WDR70: variants seen among roughly 807,000 people sequenced by gnomAD.
The protein encoded by WDR70 is WD repeat-containing protein 70.
A neutral mutation model predicts 88.6 loss-of-function variants in WDR70; 53 were observed. The observed-to-expected ratio is 0.60, with a 90% CI of 0.48 to 0.75. The LOEUF (loss-of-function observed/expected upper bound fraction) is 0.75. Ranked by LOEUF, WDR70 falls within the 30% of genes least tolerant of loss-of-function variation. The pLI is 0.00. For missense variants in WDR70, 610 were observed against 823.2 expected (o/e 0.74, Z 3.17); for synonymous variants, 280 against 270.0 (o/e 1.04, Z -0.36).
chr5:37,558,107 T>C (rs542648268), intron 9 of WDR70, among the ~76,000 whole-genome samples: 1 of 152,002 alleles, frequency 6.6e-6, no homozygotes, highest in South Asian at 2.1e-4. Context: ...GTTTCAGTAG[T>C]AGTTAAAATT....
Position 37,541,290 on chromosome 5 carries a change from AT to A in WDR70, c.917+24710del, listed in dbSNP as rs34867117. On this transcript the variant is annotated intron_variant, in intron 9 of 17. Transcript: ENST00000265107. Reference sequence around the variant, plus strand: ...AGTAAAGTTAAGGACTTAATGAATGATTTTTTTTTTCTATTAACTGATGAAT... The same window carrying A: ...AGTAAAGTTAAGGACTTAATGAATGATTTTTTTTTCTATTAACTGATGAAT... Among the ~76,000 whole-genome samples, 488 of 150,738 alleles carry A rather than the reference AT, an allele frequency of 3.2e-3. 3 individuals carry two copies. Among genetic ancestry groups the A allele is most frequent in the African/African-American group, 9.9e-3 (407 of 41,118 alleles).
At chr5:37,469,626 C>A (rs1449020376) in intron 7 of WDR70, among the ~76,000 whole-genome samples, 1 of 152,136 alleles carries the variant, frequency 6.6e-6, no homozygotes, top group Non-Finnish European at 1.5e-5. Context: ...CATGTAATTG[C>A]AAAGCAGAGT....
intron 7 of WDR70, among the ~76,000 whole-genome samples, chr5:37,471,836 C>T (rs6868843): frequency 2.6e-5 from 4 of 151,756 alleles, no homozygotes; most frequent in African/African-American, 9.8e-5. Flanking sequence ...AAATTGACTC[C>T]GCATCATTCA....
intron 8 of WDR70, among the ~76,000 whole-genome samples, chr5:37,494,128 T>A (rs2112199544): frequency 1.3e-5 from 2 of 152,280 alleles, no homozygotes; most frequent in Middle Eastern, 6.8e-3. Context: ...TGGAGTACTT[T>A]TGCACTGGGA....
At chr5:37,604,243 C>T (rs1336417943) in intron 9 of WDR70, among the ~76,000 whole-genome samples, 1 of 152,126 alleles carries the variant, frequency 6.6e-6, no homozygotes, top group Non-Finnish European at 1.5e-5. Flanking sequence ...GTCTTGAGTT[C>T]ACCTTATTTT....
rs550950454 is a variant in WDR70 at position 37,631,664 on chromosome 5, C to G, written c.1092+26426C>G. On this transcript the variant is annotated intron_variant, in intron 10 of 17. Coordinates refer to ENST00000265107, the MANE Select transcript of WDR70 (RefSeq NM_018034.4). Reference sequence around the variant, plus strand: ...TGGGATTTGACTCTAGGCAGTCTGGCTCCAGGGTCTGTACTTTTAACCAAC... The same window carrying G: ...TGGGATTTGACTCTAGGCAGTCTGGGTCCAGGGTCTGTACTTTTAACCAAC... 1.3e-4 allele frequency among the ~76,000 whole-genome samples: 20 copies of G among 152,258 alleles called. No homozygotes were observed. In the South Asian group the frequency reaches 2.5e-3, roughly 19 times the overall value.
At chr5:37,471,714 G>T (rs1739331080) in intron 7 of WDR70, among the ~76,000 whole-genome samples, 1 of 151,728 alleles carries the variant, frequency 6.6e-6, no homozygotes. Context: ...TTATCTTCCA[G>T]AAGTTTAGAT....
At chr5:37,599,949 A>C (rs1212876077) in intron 9 of WDR70, among the ~76,000 whole-genome samples, 2 of 152,066 alleles carry the variant, frequency 1.3e-5, no homozygotes, top group African/African-American at 4.8e-5. Context: ...ATAAAAATTA[A>C]CTCAAAATAA....
At position 37,675,899 on chromosome 5, in the gene WDR70, G is replaced by A. The variant is rs549130601; in HGVS notation, c.1093-21756G>A. Reference sequence around the variant, plus strand: ...TGTTCTTCCATTTGTTTGTATCCTCGTTTATTTCATGGAGCAGTGGTTTGT... The same window carrying A: ...TGTTCTTCCATTTGTTTGTATCCTCATTTATTTCATGGAGCAGTGGTTTGT... On this transcript the variant is annotated intron_variant, in intron 10 of 17. Transcript: ENST00000265107. 1.4e-4 allele frequency among the ~76,000 whole-genome samples: 22 copies of A among 152,108 alleles called. 1 individual carries two copies. The South Asian group carries it at 2.5e-3, about 17-fold the overall frequency.
Position 37,410,769 on chromosome 5 carries a change from C to T in WDR70, c.492+14199C>T, listed in dbSNP as rs539181441. On this transcript the variant is annotated intron_variant, in intron 5 of 17. Transcript: ENST00000265107. ...ATTCAAATGTGTTTTTTCTTTATGACACATAGCCCTTAGTTTCTATATGGA... is the reference window on the plus strand; with the variant it reads ...ATTCAAATGTGTTTTTTCTTTATGATACATAGCCCTTAGTTTCTATATGGA... 2.6e-5 allele frequency among the ~76,000 whole-genome samples: 4 copies of T among 152,160 alleles called. No homozygotes were observed. In the South Asian group the frequency reaches 8.3e-4, roughly 32 times the overall value.
chr5:37,506,588 C>A, intron 8 of WDR70: 1 of 775,342 alleles, frequency 1.3e-6, no homozygotes, highest in Non-Finnish European at 2.4e-6. Context: ...TTAATGTTAG[C>A]CACTCTGTGT....
chr5:37,590,641 G>C (rs1302576575), intron 9 of WDR70, among the ~76,000 whole-genome samples: 2 of 152,122 alleles, frequency 1.3e-5, no homozygotes, highest in African/African-American at 4.8e-5. Context: ...AGACACAAAG[G>C]GGGAAGAGCA....
intron 9 of WDR70, among the ~76,000 whole-genome samples, chr5:37,519,500 G>A (rs570464758): frequency 8.0e-5 from 11 of 138,166 alleles, no homozygotes; most frequent in East Asian, 2.3e-4. Flanking sequence ...CAGACTGGGC[G>A]GCCGGGCGGA....
chr5:37,725,101 G>A (rs757910401), intron 16 of WDR70, 51 bp downstream of exon 16: 1 of 1,508,720 alleles, frequency 6.6e-7, no homozygotes, highest in Non-Finnish European at 9.2e-7. Flanking sequence ...AGGCAGGGTG[G>A]GGTAATTGAT....
At chr5:37,711,987 C>CTTTTTTTT (rs70978842) in intron 13 of WDR70, among the ~76,000 whole-genome samples, 13 of 104,022 alleles carry the variant, frequency 1.2e-4, no homozygotes, top group Non-Finnish European at 1.7e-4. Flanking sequence ...TATATTTTTT[C>CTTTTTTTT]TTTTTTTTTT....
In WDR70 at chr5:37,726,286, A is replaced by G. The variant is rs185014442; in HGVS notation, c.1715-597A>G. ...CTTTTAGTGTTATTTGGCTTTTCAT[A>G]TGTTTATTTTATCTTCCTAAGAAGT... On this transcript the variant is annotated intron_variant, in intron 16 of 17. Coordinates refer to ENST00000265107, the MANE Select transcript of WDR70 (RefSeq NM_018034.4). Among the ~76,000 whole-genome samples the G allele has an allele frequency of 7.2e-5, 11 of 152,126 alleles. No individual in the cohort carries two copies. The East Asian group carries it at 2.1e-3, about 29-fold the overall frequency.
In WDR70 at chr5:37,727,048, G is replaced by A. The variant is rs1227391935; in HGVS notation, c.1877+3G>A. 3 of 1,604,504 alleles carry A rather than the reference G, an allele frequency of 1.9e-6. No individual in the cohort carries two copies. Among genetic ancestry groups the A allele is most frequent in the Non-Finnish European group, 2.5e-6 (3 of 1,176,882 alleles). On this transcript the variant is annotated splice_donor_region_variant and intron_variant, in intron 17 of 17. Transcript: ENST00000265107. ...TGGGTTTCTCCAGCATATTCCAAGT[G>A]AGAATATAGCTTTTTAAAACAGGAA... is the stretch of plus-strand genomic sequence containing the variant.
rs1431183100 is a variant in WDR70 at position 37,379,367 on chromosome 5, C to T, written c.-1C>T. On this transcript the variant is annotated 5_prime_UTR_variant, in exon 1 of 18. Coordinates refer to ENST00000265107, the MANE Select transcript of WDR70 (RefSeq NM_018034.4). ...GCTGGTTCTGGGGTGTGCGGCCAGC[C>T]ATGGAGCGCTCTGGGCCCAGCGAAG... The T allele has an allele frequency of 6.2e-7, 1 of 1,613,496 alleles. No individual in the cohort carries two copies. Among genetic ancestry groups the T allele is most frequent in the African/African-American group, 1.3e-5 (1 of 74,930 alleles).
intron 10 of WDR70, among the ~76,000 whole-genome samples, chr5:37,659,565 G>T (rs1466738676): frequency 6.6e-6 from 1 of 152,146 alleles, no homozygotes; most frequent in African/African-American, 2.4e-5. Flanking sequence ...ACTGCTTTGT[G>T]TCTTAGCTCA....
Sources: gnomAD v4.1 joint callset for allele counts (sites outside exome capture counted in the v4.1 genomes callset) on GRCh38, gnomAD v4.1.1 for gene constraint, MANE v1.5 for transcripts, NCBI Gene and HGNC (gene_info 2026-07-23, HGNC 2026-07-21) for gene names.